Variants in DGAT2L6 observed in about 807,000 individuals in gnomAD.
The protein encoded by DGAT2L6 is diacylglycerol O-acyltransferase 2 like 6, also known as diacylglycerol O-acyltransferase 2-like protein 6.
DGAT2L6 carries 22 observed loss-of-function variants against 25.5 expected under a neutral mutation model. That is an observed-to-expected ratio of 0.86 (90% CI 0.62 to 1.23). The LOEUF (loss-of-function observed/expected upper bound fraction) is 1.23. Among genes scored for constraint, DGAT2L6 ranks in the 50% most tolerant of loss-of-function variants. DGAT2L6 has a pLI of 0.00. For missense variants in DGAT2L6, 287 were observed against 253.2 expected, an observed-to-expected ratio of 1.13 and a Z score of -0.91; for synonymous variants, 100 against 94.7, an observed-to-expected ratio of 1.06 and a Z score of -0.32.
chrX:70,178,331 G>C (rs752763221), intron 1 of DGAT2L6, among the ~76,000 whole-genome samples: 4 of 110,735 alleles, frequency 3.6e-5, no homozygotes, highest in Admixed American at 9.6e-5. Context: ...GGCTGCCTGA[G>C]TGACATCTCA....
rs183401025 is a variant in DGAT2L6 at position 70,200,633 on chromosome X, G to A, written c.472+174G>A. ...GCATTAGTTTCTGTCCAAGATCTAG[G>A]GAGCAGGGTTTGATTGGGCAGCAGG... On this transcript the variant is annotated intron_variant, in intron 4 of 6. Transcript: ENST00000333026. Among the ~76,000 whole-genome samples the A allele has an allele frequency of 4.5e-5, 5 of 111,538 alleles. No individual in the cohort carries two copies. In the East Asian group the frequency reaches 1.4e-3, roughly 32 times the overall value.
At chrX:70,189,866 A>G (rs1043723088) in intron 1 of DGAT2L6, among the ~76,000 whole-genome samples, 2 of 112,300 alleles carry the variant, frequency 1.8e-5, no homozygotes, top group South Asian at 7.3e-4. Flanking sequence ...TATTAAAATA[A>G]TCTTGTTTTT....
Position 70,201,876 on chromosome X carries a change from CTT to C in DGAT2L6, c.473-12_473-11del, listed in dbSNP as rs779266204. ...AATGAAGTTTTTCTACCACTTGACT[CTT>C]TGGTTTCACAGGTGTGTGCCCTGTG... On this transcript the variant is annotated splice_polypyrimidine_tract_variant and intron_variant, in intron 4 of 6. Coordinates refer to ENST00000333026, the MANE Select transcript of DGAT2L6 (RefSeq NM_198512.3). The C allele has an allele frequency of 1.0e-5, 12 of 1,150,834 alleles. No individual in the cohort carries two copies. The East Asian group carries it at 1.6e-4, about 15-fold the overall frequency. 94.8% of individuals were successfully genotyped at this position (1,150,834 alleles called of 1,213,427 possible). A position where few individuals can be genotyped will look rare whatever the true frequency, so the allele number is the denominator to read the frequency against.
intron 1 of DGAT2L6, among the ~76,000 whole-genome samples, chrX:70,193,943 G>T (rs779834347): frequency 8.9e-6 from 1 of 111,929 alleles, no homozygotes; most frequent in South Asian, 3.7e-4. Context: ...AAATTGGAAA[G>T]AAAAAAGTTA....
Position 70,199,272 on chromosome X carries a change from A to T in DGAT2L6, c.87A>T (p.Gly29=). The change falls in exon 2 of 7, where the codon GGA becomes GGT. Residue 29 remains glycine (G), a splice_region_variant and synonymous_variant. Coordinates refer to ENST00000333026, the MANE Select transcript of DGAT2L6 (RefSeq NM_198512.3). ...CTTGAACCCTTTGTGTCTCCCCAGG[A>T]GCTATTCCCATTCTCCTTATACCCT... The part of the protein sequence containing the change: ...LQWIPVYIFL[G]AIPILLIPYF... 1 of 1,168,128 alleles carries T rather than the reference A, an allele frequency of 8.6e-7. No individual in the cohort carries two copies.
At chrX:70,188,165 A>G (rs1431540408) in intron 1 of DGAT2L6, among the ~76,000 whole-genome samples, 1 of 111,961 alleles carries the variant, frequency 8.9e-6, no homozygotes, top group Non-Finnish European at 1.9e-5. Context: ...TCATATTGGT[A>G]CCATTTTTAA....
chrX:70,197,522 T>C (rs765858819), intron 1 of DGAT2L6, among the ~76,000 whole-genome samples: 27 of 112,139 alleles, frequency 2.4e-4, no homozygotes, highest in African/African-American at 7.8e-4. Flanking sequence ...TCTATGCTTT[T>C]AAAATAACAT....
chrX:70,183,970 G>A (rs1334834469), intron 1 of DGAT2L6, among the ~76,000 whole-genome samples: 1 of 111,258 alleles, frequency 9.0e-6, no homozygotes, highest in African/African-American at 3.3e-5. Context: ...AGCCTAAGAG[G>A]TAAAGGTTAG....
At chrX:70,197,335 A>T (rs1180501267) in intron 1 of DGAT2L6, among the ~76,000 whole-genome samples, 1 of 110,953 alleles carries the variant, frequency 9.0e-6, no homozygotes, top group Non-Finnish European at 1.9e-5. Flanking sequence ...CACTGATGAC[A>T]CTCGGGCTGG....
chrX:70,202,960 A>G (rs2085415981), intron 5 of DGAT2L6, among the ~76,000 whole-genome samples: 1 of 111,733 alleles, frequency 8.9e-6, no homozygotes, highest in Admixed American at 9.5e-5. Context: ...TCACTCCATC[A>G]TAGCTATACC....
chrX:70,204,010 AG>A (rs1401233554), intron 5 of DGAT2L6, among the ~76,000 whole-genome samples: 1 of 111,147 alleles, frequency 9.0e-6, no homozygotes, highest in Non-Finnish European at 1.9e-5. Context: ...AGAGTTTGAG[AG>A]GAGTGGCATG....
chrX:70,199,893 T>A lies in DGAT2L6; in HGVS notation c.267+11T>A. On this transcript the variant is annotated intron_variant, in intron 3 of 6. Coordinates refer to ENST00000333026, the MANE Select transcript of DGAT2L6 (RefSeq NM_198512.3). ...TACTTCCCAGTAAAGGTGACCACTC[T>A]TCCTCGGGGTGCCCTCAGTCCCTGT... 7.5e-6 allele frequency: 9 copies of A among 1,203,680 alleles called. No homozygotes were observed. Among genetic ancestry groups the A allele is most frequent in the Non-Finnish European group, 9.0e-6 (8 of 889,878 alleles).
At chrX:70,188,392 T>G (rs1340932974) in intron 1 of DGAT2L6, among the ~76,000 whole-genome samples, 1 of 111,681 alleles carries the variant, frequency 9.0e-6, no homozygotes, top group African/African-American at 3.3e-5. Context: ...TTAGCAATTA[T>G]ATTTGGAGAC....
At position 70,177,524 on chromosome X, in the gene DGAT2L6, C is replaced by T. The variant is rs2085330544; in HGVS notation, c.-59C>T. On this transcript the variant is annotated 5_prime_UTR_variant, in exon 1 of 7. Coordinates refer to ENST00000333026, the MANE Select transcript of DGAT2L6 (RefSeq NM_198512.3). ...AGCAAAGCATCTATAATCAACTCAG[C>T]TTAAGAAGTTTTGACCTTCTGGTTA... is the stretch of plus-strand genomic sequence containing the variant. The T allele has an allele frequency of 2.9e-5, 30 of 1,044,212 alleles. No individual in the cohort carries two copies. Among genetic ancestry groups the T allele is most frequent in the Middle Eastern group, 2.6e-4 (1 of 3,921 alleles). The allele number at this position is 1,044,212 out of a possible 1,213,427, so 86.1% of individuals were successfully genotyped here. A position where few individuals can be genotyped will look rare whatever the true frequency, so the allele number is the denominator to read the frequency against.
intron 1 of DGAT2L6, among the ~76,000 whole-genome samples, chrX:70,193,773 A>G (rs1410367108): frequency 1.8e-5 from 2 of 112,228 alleles, no homozygotes; most frequent in South Asian, 3.7e-4. Context: ...CCATATATGA[A>G]AAGTCCACAG....
At chrX:70,193,144 G>A (rs2085380256) in intron 1 of DGAT2L6, among the ~76,000 whole-genome samples, 1 of 110,095 alleles carries the variant, frequency 9.1e-6, no homozygotes, top group African/African-American at 3.3e-5. Context: ...AGACCAGCCT[G>A]GCCAACATGC....
chrX:70,200,134 C>T (rs2085404903), intron 3 of DGAT2L6, 121 bp from the exon 4 acceptor site: 1 of 725,157 alleles, frequency 1.4e-6, no homozygotes, highest in African/African-American at 2.1e-5. Flanking sequence ...ATGATGACAA[C>T]CTAGTGAACA....
At chrX:70,195,055 TA>T (rs1473725095) in intron 1 of DGAT2L6, among the ~76,000 whole-genome samples, 1 of 111,241 alleles carries the variant, frequency 9.0e-6, no homozygotes, top group African/African-American at 3.3e-5. Flanking sequence ...AAAAATAAAA[TA>T]ACATAAACTT....
chrX:70,189,678 A>T (rs758182979), intron 1 of DGAT2L6, among the ~76,000 whole-genome samples: 11 of 112,022 alleles, frequency 9.8e-5, no homozygotes, highest in Non-Finnish European at 2.1e-4. Flanking sequence ...AGGGAAGAGA[A>T]TATCGTTTTT....
Sources: gnomAD v4.1 joint callset for allele counts (sites outside exome capture counted in the v4.1 genomes callset) on GRCh38, gnomAD v4.1.1 for gene constraint, MANE v1.5 for transcripts, NCBI Gene and HGNC (gene_info 2026-07-23, HGNC 2026-07-21) for gene names.